MSRA: variants seen among roughly 807,000 people sequenced by gnomAD.
MSRA encodes the protein mitochondrial peptide methionine sulfoxide reductase.
In MSRA, 54 loss-of-function variants were observed where a neutral mutation model predicts 31.3. The observed-to-expected ratio is 1.73, with a 90% CI of 1.39 to 2.17. The LOEUF is 2.17. Among genes scored for constraint, MSRA ranks in the 30% most tolerant of loss-of-function variants. The pLI, the probability that MSRA is intolerant of heterozygous loss-of-function variation, is 0.00. For synonymous variants in MSRA, 169 were observed against 116.5 expected, an observed-to-expected ratio of 1.45 and a Z score of -2.90; for missense variants, 507 against 300.9, an observed-to-expected ratio of 1.69 and a Z score of -5.07.
intron 1 of MSRA, among the ~76,000 whole-genome samples, chr8:10,139,557 AC>A (rs1225905430): frequency 1.1e-4 from 16 of 152,240 alleles, no homozygotes; most frequent in Non-Finnish European, 2.1e-4. Context: ...ATCTGTTTTT[AC>A]ACTCTCTATG....
Position 10,074,058 on chromosome 8 carries a change from C to CTTTTTT in MSRA, c.142+19435_142+19440dup, listed in dbSNP as rs534642712. On this transcript the variant is annotated intron_variant, in intron 1 of 5. Coordinates refer to ENST00000317173, the MANE Select transcript of MSRA (RefSeq NM_012331.5). ...CATTTTGTTTTGTCTAAGGGAGGTG[C>CTTTTTT]TTTTTTTTTTTTTTTTTTTTTTTTT... 2.7e-3 allele frequency among the ~76,000 whole-genome samples: 79 copies of CTTTTTT among 29,454 alleles called. 6 individuals carry two copies. Among genetic ancestry groups the CTTTTTT allele is most frequent in the East Asian group, 6.8e-3 (4 of 588 alleles). The allele number at this position is 29,454 out of a possible 152,430, so 19.3% of individuals were successfully genotyped here.
intron 5 of MSRA, among the ~76,000 whole-genome samples, chr8:10,393,049 G>A (rs1432589043): frequency 1.6e-5 from 2 of 124,280 alleles, no homozygotes; most frequent in African/African-American, 3.1e-5. Flanking sequence ...ACGACTGAGC[G>A]AGACTCCGTC....
At position 10,297,067 on chromosome 8, in the gene MSRA, T is replaced by C. The variant is rs953703098; in HGVS notation, c.332-4467T>C. On this transcript the variant is annotated intron_variant, in intron 3 of 5. Coordinates refer to ENST00000317173, the MANE Select transcript of MSRA (RefSeq NM_012331.5). ...AAGCTGTGCTGGAGGACTGTAAACA[T>C]TGGTTGACTTATCTCGGGGTTCTCT... Among the ~76,000 whole-genome samples, 7 of 152,298 alleles carry C rather than the reference T, an allele frequency of 4.6e-5. No individual in the cohort carries two copies. The East Asian group carries it at 1.2e-3, about 25-fold the overall frequency.
chr8:10,345,051 T>G (rs1356250036), intron 5 of MSRA, among the ~76,000 whole-genome samples: 1 of 152,064 alleles, frequency 6.6e-6, no homozygotes, highest in African/African-American at 2.4e-5. Flanking sequence ...TCTCTCTCTT[T>G]CCATGGTCTT....
At chr8:10,100,715 G>T (rs997328423) in intron 1 of MSRA, among the ~76,000 whole-genome samples, 1 of 152,160 alleles carries the variant, frequency 6.6e-6, no homozygotes, top group East Asian at 1.9e-4. Context: ...GTTTGGCCGT[G>T]AGTTGTGCTC....
chr8:10,333,872 T>C (rs1802857560), intron 5 of MSRA, among the ~76,000 whole-genome samples: 1 of 152,070 alleles, frequency 6.6e-6, no homozygotes, highest in African/African-American at 2.4e-5. Flanking sequence ...CCATGAGCAC[T>C]TCACACAAGG....
intron 5 of MSRA, among the ~76,000 whole-genome samples, chr8:10,396,281 C>T (rs946738309): frequency 6.6e-6 from 1 of 152,226 alleles, no homozygotes; most frequent in African/African-American, 2.4e-5. Flanking sequence ...TCCTCTCCAA[C>T]ATCCTCTCCC....
At chr8:10,349,029 T>A (rs1201058519) in intron 5 of MSRA, among the ~76,000 whole-genome samples, 1 of 152,162 alleles carries the variant, frequency 6.6e-6, no homozygotes, top group Non-Finnish European at 1.5e-5. Context: ...AACACCAGCC[T>A]AAGAGAATGG....
chr8:10,285,225 C>A (rs1799870977), intron 3 of MSRA, among the ~76,000 whole-genome samples: 1 of 152,168 alleles, frequency 6.6e-6, no homozygotes, highest in African/African-American at 2.4e-5. Context: ...CTTCTCCGAG[C>A]CCTTGACAGC....
intron 1 of MSRA, among the ~76,000 whole-genome samples, chr8:10,119,300 G>C (rs921027221): frequency 1.3e-5 from 2 of 152,230 alleles, no homozygotes; most frequent in African/African-American, 2.4e-5. Flanking sequence ...TTGTCCGACA[G>C]AAGACTTTTG....
chr8:10,156,812 T>A (rs1274331183), intron 1 of MSRA, among the ~76,000 whole-genome samples: 1 of 149,710 alleles, frequency 6.7e-6, no homozygotes, highest in African/African-American at 2.4e-5. Context: ...TTCATTCCTT[T>A]TTTTTTTTTT....
chr8:10,249,563 A>G (rs978431301), intron 3 of MSRA, among the ~76,000 whole-genome samples: 1 of 152,164 alleles, frequency 6.6e-6, no homozygotes, highest in African/African-American at 2.4e-5. Flanking sequence ...AATAGCGCAC[A>G]GGCTGAGAAA....
chr8:10,223,016 A>G (rs550688277), intron 2 of MSRA, among the ~76,000 whole-genome samples: 1 of 152,334 alleles, frequency 6.6e-6, no homozygotes, highest in East Asian at 1.9e-4. Context: ...GTTACTTAGC[A>G]TAATTTACTT....
chr8:10,087,912 A>G (rs1363461525), intron 1 of MSRA, among the ~76,000 whole-genome samples: 2 of 152,230 alleles, frequency 1.3e-5, no homozygotes, highest in Admixed American at 6.5e-5. Context: ...AATCACAGAA[A>G]TGGAAGAATT....
chr8:10,113,289 C>CTTTTTTTTT lies in MSRA; in HGVS notation c.142+58633_142+58634insTTTTTTTTT, dbSNP rs1467440154. On this transcript the variant is annotated intron_variant, in intron 1 of 5. Transcript: ENST00000317173. ...AGGCATGGCTTTGGTGAAGACAGGT[C>CTTTTTTTTT]TTCTTTTTTTTTTTTTTTTTTTTTT... Among the ~76,000 whole-genome samples, 277 of 50,864 alleles carry CTTTTTTTTT rather than the reference C, an allele frequency of 5.4e-3. 75 individuals carry two copies. Among genetic ancestry groups the CTTTTTTTTT allele is most frequent in the East Asian group, 0.023 (38 of 1,646 alleles). 33.4% of individuals were successfully genotyped at this position (50,864 alleles called of 152,430 possible).
chr8:10,311,330 G>A (rs1347939874), intron 4 of MSRA, among the ~76,000 whole-genome samples: 3 of 152,186 alleles, frequency 2.0e-5, no homozygotes, highest in African/African-American at 7.2e-5. Context: ...GGTAAGCAGA[G>A]GATTAGATAT....
intron 5 of MSRA, among the ~76,000 whole-genome samples, chr8:10,348,145 T>G (rs1803900235): frequency 1.3e-5 from 2 of 152,146 alleles, no homozygotes; most frequent in South Asian, 4.1e-4. Context: ...AGAGTTTGCT[T>G]GTAAATCCTG....
intron 5 of MSRA, among the ~76,000 whole-genome samples, chr8:10,414,082 G>A (rs540389073): frequency 2.6e-5 from 4 of 152,138 alleles, no homozygotes; most frequent in Admixed American, 6.5e-5. Context: ...CAAGAGGATC[G>A]CTTGAGCCTA....
intron 5 of MSRA, among the ~76,000 whole-genome samples, chr8:10,416,258 C>T (rs147977825): frequency 6.6e-6 from 1 of 152,326 alleles, no homozygotes; most frequent in South Asian, 2.1e-4. Flanking sequence ...TGCGCAATAA[C>T]AATTGTCGAG....
Sources: gnomAD v4.1 joint callset for allele counts (sites outside exome capture counted in the v4.1 genomes callset) on GRCh38, gnomAD v4.1.1 for gene constraint, MANE v1.5 for transcripts, NCBI Gene and HGNC (gene_info 2026-07-23, HGNC 2026-07-21) for gene names.